Variants in LCE2B observed in about 807,000 individuals in gnomAD.
LCE2B encodes the protein late cornified envelope protein 2B.
For synonymous variants in LCE2B, 69 were observed against 52.0 expected, an observed-to-expected ratio of 1.33 and a Z score of -1.40; for missense variants, 175 against 141.6, an observed-to-expected ratio of 1.24 and a Z score of -1.20.
At chr1:152,686,389 A>C (rs1201444716) in intron 1 of LCE2B, among the ~76,000 whole-genome samples, 1 of 152,124 alleles carries the variant, frequency 6.6e-6, no homozygotes, top group Non-Finnish European at 1.5e-5. Context: ...CATGTTGGTA[A>C]CTTCAAAACT....
intron 1 of LCE2B, 104 bp from the exon 2 acceptor site, chr1:152,686,720 A>G (rs903642046): frequency 9.9e-6 from 14 of 1,410,760 alleles, no homozygotes; most frequent in Non-Finnish European, 1.4e-5. Flanking sequence ...ATGTGACTGT[A>G]TGATCTAAAT....
In LCE2B at chr1:152,687,349, GT is replaced by G. The variant is rs1309052592; in HGVS notation, c.*177del. ...ATGGAGCACCTCAATTGCAGGTTTT[GT>G]TTTCCTCCTTTACCTCATGTTATAA... is the stretch of plus-strand genomic sequence containing the variant. On this transcript the variant is annotated 3_prime_UTR_variant, in exon 2 of 2. Coordinates refer to ENST00000368780, the MANE Select transcript of LCE2B (RefSeq NM_014357.5). 4 of 878,502 alleles carry G rather than the reference GT, an allele frequency of 4.6e-6. No individual in the cohort carries two copies. The highest frequency in any genetic ancestry group is 1.7e-5 in the African/African-American group (1 of 58,860). The allele number at this position is 878,502 out of a possible 1,614,324, so 54.4% of individuals were successfully genotyped here.
intron 1 of LCE2B, among the ~76,000 whole-genome samples, 183 bp downstream of exon 1, chr1:152,686,339 T>C (rs1005769442): frequency 9.2e-5 from 14 of 152,156 alleles, no homozygotes; most frequent in African/African-American, 3.4e-4. Flanking sequence ...TGGGGAAAGC[T>C]AACTGTGCAC....
intron 1 of LCE2B, among the ~76,000 whole-genome samples, chr1:152,686,495 A>G (rs1649135199): frequency 6.6e-6 from 1 of 151,710 alleles, no homozygotes; most frequent in South Asian, 2.1e-4. Context: ...TTTCCAGAGG[A>G]CCTCCTGGTG....
In LCE2B at chr1:152,687,389, T is replaced by A; in HGVS notation, c.*213T>A. 1 of 669,246 alleles carries A rather than the reference T, an allele frequency of 1.5e-6. No individual in the cohort carries two copies. The allele number at this position is 669,246 out of a possible 1,614,324, so 41.5% of individuals were successfully genotyped here. A position where few individuals can be genotyped will look rare whatever the true frequency, so the allele number is the denominator to read the frequency against. ...CTCATGTTATAATAAAGCTCTGATTTCTGACTCACAAATTGTCTTGGTCGT... is the reference window on the plus strand; with the variant it reads ...CTCATGTTATAATAAAGCTCTGATTACTGACTCACAAATTGTCTTGGTCGT... On this transcript the variant is annotated 3_prime_UTR_variant, in exon 2 of 2. Coordinates refer to ENST00000368780, the MANE Select transcript of LCE2B (RefSeq NM_014357.5).
At position 152,686,968 on chromosome 1, in the gene LCE2B, C is replaced by G; in HGVS notation, c.125C>G (p.Pro42Arg). The G allele has an allele frequency of 6.2e-7, 1 of 1,614,168 alleles. No homozygotes were observed. Among genetic ancestry groups the G allele is most frequent in the Non-Finnish European group, 8.5e-7 (1 of 1,180,028 alleles). The change falls in exon 2 of 2, where the codon CCT becomes CGT. Residue 42 changes from proline to arginine, a missense_variant. Pro to Arg is a moderately radical substitution (Grantham distance 103, BLOSUM62 -2). Coordinates refer to ENST00000368780, the MANE Select transcript of LCE2B (RefSeq NM_014357.5). ...CLPQCPAPCS[P>R]AVSSCCGPIS... ...CCCCAGTGCCCAGCTCCATGTTCCCCTGCAGTCTCTTCTTGCTGTGGTCCC... is the reference window on the plus strand; with the variant it reads ...CCCCAGTGCCCAGCTCCATGTTCCCGTGCAGTCTCTTCTTGCTGTGGTCCC...
rs767407774 is a variant in LCE2B, at chr1:152,687,026, G to C, written c.183G>C (p.Gly61=). ...GGGGCTGCTGTGGTCCCAGCTCTGGGGGCTGCTGCAACTCTGGGGCTGGTG... is the reference window on the plus strand; with the variant it reads ...GGGGCTGCTGTGGTCCCAGCTCTGGCGGCTGCTGCAACTCTGGGGCTGGTG... The part of the protein sequence containing the change: ...ISGGCCGPSS[G]GCCNSGAGGC... Residue 61 remains glycine (G), a synonymous_variant, in exon 2 of 2, where the codon GGG becomes GGC. Coordinates refer to ENST00000368780, the MANE Select transcript of LCE2B (RefSeq NM_014357.5). 4 of 1,613,566 alleles carry C rather than the reference G, an allele frequency of 2.5e-6. No individual in the cohort carries two copies. Among genetic ancestry groups the C allele is most frequent in the African/African-American group, 1.3e-5 (1 of 74,748 alleles).
Position 152,686,948 on chromosome 1 carries a change from G to T in LCE2B, c.105G>T (p.Gln35His), listed in dbSNP as rs1253069678. 6.2e-7 allele frequency: 1 copy of T among 1,613,544 alleles called. No individual in the cohort carries two copies. The highest frequency in any genetic ancestry group is 8.5e-7 in the Non-Finnish European group (1 of 1,180,030). ...AGTGTCCCCCTAAATGCCTGCCCCA[G>T]TGCCCAGCTCCATGTTCCCCTGCAG... ...PPKCPPKCLP[Q>H]CPAPCSPAVS... is the part of the protein sequence containing the mutation. The change falls in exon 2 of 2, where the codon CAG becomes CAT. Residue 35 changes from glutamine to histidine, a missense_variant. By Grantham distance (24) the Gln-to-His change is conservative. Coordinates refer to ENST00000368780, the MANE Select transcript of LCE2B (RefSeq NM_014357.5).
In LCE2B at chr1:152,687,380, G is replaced by C. The variant is rs1399192755; in HGVS notation, c.*204G>C. The C allele has an allele frequency of 4.4e-6, 3 of 689,622 alleles. No individual in the cohort carries two copies. Among genetic ancestry groups the C allele is most frequent in the Non-Finnish European group, 7.1e-6 (3 of 423,956 alleles). The allele number at this position is 689,622 out of a possible 1,614,324, so 42.7% of individuals were successfully genotyped here. A position where few individuals can be genotyped will look rare whatever the true frequency, so the allele number is the denominator to read the frequency against. On this transcript the variant is annotated 3_prime_UTR_variant, in exon 2 of 2. Coordinates refer to ENST00000368780, the MANE Select transcript of LCE2B (RefSeq NM_014357.5). ...CTCCTTTACCTCATGTTATAATAAA[G>C]CTCTGATTTCTGACTCACAAATTGT...
At chr1:152,686,494 G>C (rs917273266) in intron 1 of LCE2B, among the ~76,000 whole-genome samples, 5 of 151,884 alleles carry the variant, frequency 3.3e-5, no homozygotes, top group Non-Finnish European at 7.3e-5. Flanking sequence ...TTTTCCAGAG[G>C]ACCTCCTGGT....
rs1649125927 is a variant in LCE2B at position 152,686,169 on chromosome 1, C to G, written c.-21+13C>G. The G allele has an allele frequency of 1.3e-5, 2 of 152,374 alleles. No homozygotes were observed. The highest frequency in any genetic ancestry group is 2.9e-5 in the Non-Finnish European group (2 of 68,206). The allele number at this position is 152,374 out of a possible 1,614,324, so 9.4% of individuals were successfully genotyped here. ...GCGTGTGACCAGGGTGAGTGGCAAC[C>G]TGGGATACCAGAGGGGTATGAGCAA... On this transcript the variant is annotated intron_variant, in intron 1 of 1. Coordinates refer to ENST00000368780, the MANE Select transcript of LCE2B (RefSeq NM_014357.5).
rs1649147713 is a variant in LCE2B, at chr1:152,686,812, A to T, written c.-20-12A>T. ...TTTGAAATATTTAAAGAGTTTCATT[A>T]TTATCTTTCAGGTTGACTAAACTCT... is the stretch of plus-strand genomic sequence containing the variant. On this transcript the variant is annotated splice_polypyrimidine_tract_variant and intron_variant, in intron 1 of 1. Transcript: ENST00000368780. 1 of 1,611,536 alleles carries T rather than the reference A, an allele frequency of 6.2e-7. No individual in the cohort carries two copies. The highest frequency in any genetic ancestry group is 8.5e-7 in the Non-Finnish European group (1 of 1,178,880).
Position 152,687,247 on chromosome 1 carries a change from A to T in LCE2B, c.*71A>T. ...TACAGCCTGATGCTTAACCCTTTCC[A>T]TTTCCTCTCATTCCATTCATGGGTG... On this transcript the variant is annotated 3_prime_UTR_variant, in exon 2 of 2. Coordinates refer to ENST00000368780, the MANE Select transcript of LCE2B (RefSeq NM_014357.5). 1.3e-6 allele frequency: 2 copies of T among 1,528,550 alleles called. No individual in the cohort carries two copies. The highest frequency in any genetic ancestry group is 4.5e-5 in the East Asian group (2 of 44,128). The allele number at this position is 1,528,550 out of a possible 1,614,324, so 94.7% of individuals were successfully genotyped here.
At chr1:152,686,488 C>A (rs569209188) in intron 1 of LCE2B, among the ~76,000 whole-genome samples, 1 of 151,960 alleles carries the variant, frequency 6.6e-6, no homozygotes, top group Non-Finnish European at 1.5e-5. Context: ...AAATCTTTTT[C>A]CAGAGGACCT....
chr1:152,687,367 A>G lies in LCE2B; in HGVS notation c.*191A>G. Reference sequence around the variant, plus strand: ...AGGTTTTGTTTTCCTCCTTTACCTCATGTTATAATAAAGCTCTGATTTCTG... The same window carrying G: ...AGGTTTTGTTTTCCTCCTTTACCTCGTGTTATAATAAAGCTCTGATTTCTG... On this transcript the variant is annotated 3_prime_UTR_variant, in exon 2 of 2. Coordinates refer to ENST00000368780, the MANE Select transcript of LCE2B (RefSeq NM_014357.5). 2 of 740,640 alleles carry G rather than the reference A, an allele frequency of 2.7e-6. No individual in the cohort carries two copies. The highest frequency in any genetic ancestry group is 4.3e-6 in the Non-Finnish European group (2 of 464,772). 45.9% of individuals were successfully genotyped at this position (740,640 alleles called of 1,614,324 possible).
intron 1 of LCE2B, 138 bp from the exon 2 acceptor site, chr1:152,686,686 C>G (rs1451275515): frequency 8.3e-7 from 1 of 1,199,168 alleles, no homozygotes; most frequent in South Asian, 1.6e-5. Flanking sequence ...AGGAAAGATT[C>G]AAGTTGTTTC....
At position 152,687,092 on chromosome 1, in the gene LCE2B, G is replaced by C. The variant is rs756820455; in HGVS notation, c.249G>C (p.Arg83=). ...LSHHRPRLFH[R]RRHQSPDCCE... ...ACCACAGGCCCCGTCTCTTCCACCG[G>C]CGCCGGCACCAGAGCCCCGACTGCT... Residue 83 remains arginine, a synonymous_variant, in exon 2 of 2, where the codon CGG becomes CGC. Coordinates refer to ENST00000368780, the MANE Select transcript of LCE2B (RefSeq NM_014357.5). 4 of 1,613,736 alleles carry C rather than the reference G, an allele frequency of 2.5e-6. No individual in the cohort carries two copies. Among genetic ancestry groups the C allele is most frequent in the African/African-American group, 1.3e-5 (1 of 74,872 alleles).
chr1:152,686,377 T>G (rs1649132061), intron 1 of LCE2B, among the ~76,000 whole-genome samples: 1 of 152,300 alleles, frequency 6.6e-6, no homozygotes, highest in Non-Finnish European at 1.5e-5. Flanking sequence ...GTTCAGTGAC[T>G]TCATGTTGGT....
chr1:152,687,164 G>C lies in LCE2B; in HGVS notation c.321G>C (p.Gly107=), dbSNP rs199631987. Residue 107 remains glycine (G), a synonymous_variant, in exon 2 of 2, where the codon GGG becomes GGC. Coordinates refer to ENST00000368780, the MANE Select transcript of LCE2B (RefSeq NM_014357.5). ...GCTCTGGCTGCTGCCACAGCTCTGG[G>C]GGCTGCTGCTGACCTGGGCTAAGAA... The part of the protein sequence containing the change: ...SGGSGCCHSS[G]GCC 25 of 1,613,396 alleles carry C rather than the reference G, an allele frequency of 1.5e-5. No homozygotes were observed. The highest frequency in any genetic ancestry group is 2.0e-5 in the Non-Finnish European group (24 of 1,179,652).
Sources: allele counts gnomAD v4.1 joint callset (sites outside exome capture counted in the v4.1 genomes callset), GRCh38; gene constraint gnomAD v4.1.1; transcripts MANE v1.5; gene names NCBI Gene and HGNC (gene_info 2026-07-23, HGNC 2026-07-21).